The following METTL22 variants were observed in gnomAD, a reference collection of about 807,000 sequenced individuals.
The protein encoded by METTL22 is methyltransferase-like protein 22.
In METTL22, 51 loss-of-function variants were observed where a neutral mutation model predicts 48.4. The observed-to-expected ratio is 1.05, with a 90% CI of 0.84 to 1.33. The LOEUF is 1.33. Ranked by LOEUF, METTL22 falls within the 40% of genes most tolerant of loss-of-function variation. The pLI, the probability that METTL22 is intolerant of heterozygous loss-of-function variation, is 0.00. For synonymous variants in METTL22, 255 were observed against 214.1 expected (o/e 1.19, Z -1.67); for missense variants, 678 against 526.9 (o/e 1.29, Z -2.81).
rs1254214659 is a variant in METTL22 at position 8,625,588 on chromosome 16, C to T, written c.-78C>T. The stretch of plus-strand genomic sequence containing the variant: ...AGCTTGGACCTGTCTGCAGTATCTC[C>T]TCTGGGACCTGCCATGCTGAGGACC... On this transcript the variant is annotated 5_prime_UTR_variant, in exon 2 of 11. Coordinates refer to ENST00000381920, the MANE Select transcript of METTL22 (RefSeq NM_024109.4). The T allele has an allele frequency of 3.3e-6, 5 of 1,514,892 alleles. No homozygotes were observed. The highest frequency in any genetic ancestry group is 4.5e-6 in the Non-Finnish European group (5 of 1,105,742). The allele number at this position is 1,514,892 out of a possible 1,614,324, so 93.8% of individuals were successfully genotyped here. A position where few individuals can be genotyped will look rare whatever the true frequency, so the allele number is the denominator to read the frequency against.
chr16:8,625,802 A>C lies in METTL22; in HGVS notation c.133+4A>C. 6.2e-7 allele frequency: 1 copy of C among 1,614,036 alleles called. No individual in the cohort carries two copies. Among genetic ancestry groups the C allele is most frequent in the East Asian group, 2.2e-5 (1 of 44,876 alleles). ...CTGAACAGCGTGGGGCAGCCAGGTA[A>C]GGTCCTGGGCCCAGGTGCCCTGCGG... On this transcript the variant is annotated splice_donor_region_variant and intron_variant, in intron 2 of 10. Transcript: ENST00000381920.
At chr16:8,662,147 C>G in the METTL22 span, among the ~76,000 whole-genome samples, 1 of 145,390 alleles carries the variant, frequency 6.9e-6, no homozygotes, top group African/African-American at 2.6e-5. Flanking sequence ...GAGGCCAAGG[C>G]AAGAGAATTG....
Position 8,625,453 on chromosome 16 carries a change from A to G in METTL22, c.-170-43A>G, listed in dbSNP as rs190756139. On this transcript the variant is annotated intron_variant, in intron 1 of 10. Transcript: ENST00000381920. Reference sequence around the variant, plus strand: ...TATGAATGAATATAAAATGAATATAATGAGTGAAATGAATATAAACAAAAT... The same window carrying G: ...TATGAATGAATATAAAATGAATATAGTGAGTGAAATGAATATAAACAAAAT... 113 of 404,718 alleles carry G rather than the reference A, an allele frequency of 2.8e-4. 1 individual carries two copies. Among genetic ancestry groups the G allele is most frequent in the African/African-American group, 2.0e-3 (100 of 49,266 alleles). The allele number at this position is 404,718 out of a possible 1,614,324, so 25.1% of individuals were successfully genotyped here. A position where few individuals can be genotyped will look rare whatever the true frequency, so the allele number is the denominator to read the frequency against.
At chr16:8,638,990 C>A in intron 5 of METTL22, 101 bp from the exon 6 acceptor site, 1 of 1,151,084 alleles carries the variant, frequency 8.7e-7, no homozygotes, top group Non-Finnish European at 1.3e-6. Context: ...TCTCTAATTT[C>A]TGCAGTTGTG....
intron 10 of METTL22, 54 bp downstream of exon 10, chr16:8,644,779 A>G: frequency 6.8e-7 from 1 of 1,477,246 alleles, no homozygotes; most frequent in South Asian, 1.4e-5. Flanking sequence ...GAAGCGGGTG[A>G]CTCCAGGGCA....
intron 2 of METTL22, among the ~76,000 whole-genome samples, chr16:8,626,344 C>G (rs1356292196): frequency 6.6e-6 from 1 of 152,070 alleles, no homozygotes; most frequent in Non-Finnish European, 1.5e-5. Context: ...TGACCCAGGA[C>G]TTGATGCTGG....
At chr16:8,631,626 C>A (rs552916906) in intron 3 of METTL22, 1 of 152,236 alleles carries the variant, frequency 6.6e-6, no homozygotes, top group Non-Finnish European at 1.5e-5. Flanking sequence ...GGGAGACTGG[C>A]TGACGAACAG....
At chr16:8,657,525 A>G in the METTL22 span, among the ~76,000 whole-genome samples, 3 of 152,272 alleles carry the variant, frequency 2.0e-5, no homozygotes, top group African/African-American at 4.8e-5. Context: ...CTTGTCCCCC[A>G]TAAAACCAGG....
intron 3 of METTL22, among the ~76,000 whole-genome samples, chr16:8,630,400 C>G (rs1401461958): frequency 1.3e-5 from 2 of 152,180 alleles, no homozygotes; most frequent in Admixed American, 6.5e-5. Flanking sequence ...GGTTGAGGAA[C>G]TTGCTGGGGT....
the METTL22 span, among the ~76,000 whole-genome samples, chr16:8,663,225 A>AAAAAAAAAAAAAAAT: frequency 8.1e-6 from 1 of 123,468 alleles, no homozygotes; most frequent in African/African-American, 3.1e-5. Context: ...AAAAAAAAAA[A>AAAAAAAAAAAAAAAT]GGTAGCCAAG....
At chr16:8,661,169 C>T in the METTL22 span, among the ~76,000 whole-genome samples, 412 of 152,002 alleles carry the variant, frequency 2.7e-3, 1 homozygote, top group Non-Finnish European at 4.7e-3. Context: ...CAGGGCCAGA[C>T]GTGCCAGAAA....
At chr16:8,644,464 A>G (rs2056720676) in intron 9 of METTL22, 93 bp from the exon 10 acceptor site, 1 of 1,283,040 alleles carries the variant, frequency 7.8e-7, no homozygotes. Context: ...GGGATATGAG[A>G]TCAGTGAGGG....
In METTL22 at chr16:8,624,167, C is replaced by T. The variant is rs530299492; in HGVS notation, c.-170-1329C>T. On this transcript the variant is annotated intron_variant, in intron 1 of 10. Transcript: ENST00000381920. ...TGGTCTGTCCAGCTTCAAAGCCCAT[C>T]AGACTACTGCTGTTTGATGATGCTT... 3.9e-5 allele frequency: 6 copies of T among 152,306 alleles called. No homozygotes were observed. The South Asian group carries it at 1.2e-3, about 32-fold the overall frequency. 9.4% of individuals were successfully genotyped at this position (152,306 alleles called of 1,614,324 possible).
Position 8,646,476 on chromosome 16 carries a change from C to T in METTL22, c.*333C>T, listed in dbSNP as rs1460438158. On this transcript the variant is annotated 3_prime_UTR_variant, in exon 11 of 11. Transcript: ENST00000381920. ...TGTGTGCTTTACTTGCGGTTGCGGCCCTGGCTGTGAGGTGGATTCTTGTAC... is the reference window on the plus strand; with the variant it reads ...TGTGTGCTTTACTTGCGGTTGCGGCTCTGGCTGTGAGGTGGATTCTTGTAC... 1.8e-6 allele frequency: 1 copy of T among 566,972 alleles called. No homozygotes were observed. Among genetic ancestry groups the T allele is most frequent in the Non-Finnish European group, 3.3e-6 (1 of 298,934 alleles). The allele number at this position is 566,972 out of a possible 1,614,324, so 35.1% of individuals were successfully genotyped here.
chr16:8,653,916 T>A (rs556007738), downstream of METTL22, among the ~76,000 whole-genome samples: 23 of 152,178 alleles, frequency 1.5e-4, no homozygotes, highest in South Asian at 4.8e-3. Context: ...AAGAATTTTG[T>A]GGAAAGCCTG....
At chr16:8,628,509 G>C (rs1309628351) in intron 2 of METTL22, among the ~76,000 whole-genome samples, 1 of 152,002 alleles carries the variant, frequency 6.6e-6, no homozygotes, top group African/African-American at 2.4e-5. Context: ...GTGCCTCATA[G>C]ATTCTCATGA....
intron 9 of METTL22, among the ~76,000 whole-genome samples, chr16:8,643,206 C>T (rs1731005): frequency 0.99 from 150,448 of 152,350 alleles, 74,319 homozygotes; most frequent in Middle Eastern, 1. Flanking sequence ...GAAATTCACA[C>T]TCAGGGTTGT....
At chr16:8,641,433 T>C (rs1228024991) in intron 7 of METTL22, 1 of 608,840 alleles carries the variant, frequency 1.6e-6, no homozygotes, top group Admixed American at 2.1e-5. Context: ...GGTAGCATGA[T>C]AATCCCTGAA....
At chr16:8,661,380 C>G in the METTL22 span, among the ~76,000 whole-genome samples, 95,505 of 149,382 alleles carry the variant, frequency 0.64, 32,185 homozygotes, top group East Asian at 0.91. Context: ...GGCGCGGTGG[C>G]TCACACCTGT....
Sources: gnomAD v4.1 joint callset for allele counts (sites outside exome capture counted in the v4.1 genomes callset) on GRCh38, gnomAD v4.1.1 for gene constraint, MANE v1.5 for transcripts, NCBI Gene and HGNC (gene_info 2026-07-23, HGNC 2026-07-21) for gene names.